Variants in SYNE1 observed in about 807,000 individuals in gnomAD.
SYNE1 encodes spectrin repeat containing nuclear envelope protein 1.
In SYNE1, 616 loss-of-function variants were observed where a neutral mutation model predicts 1,111.0. That is an observed-to-expected ratio of 0.55 (90% CI 0.52 to 0.59). SYNE1 has a LOEUF of 0.59. SYNE1 is among the 20% of genes least tolerant of loss of function. The probability of loss-of-function intolerance (pLI) is 0.00; values close to 1 mark genes in which losing one functional copy is unlikely to be tolerated. For synonymous variants in SYNE1, 3,855 were observed against 3,825.8 expected (o/e 1.01, Z -0.28); for missense variants, 10,006 against 10,417.0 (o/e 0.96, Z 1.72).
In SYNE1 at chr6:152,505,314, G is replaced by A. The variant is rs996515126; in HGVS notation, c.665C>T (p.Pro222Leu). The part of the protein sequence containing the change: ...AFHSVIHAIR[P>L]ELVDLETVKG... ...CACTGTCTCCAAGTCCACCAATTCC[G>A]GTCGAATGGCATGAATAACTGAATG... The change falls in exon 9 of 146, where the codon CCG becomes CTG. Residue 222 changes from proline to leucine, a missense_variant. Pro to Leu is a moderately conservative substitution (Grantham distance 98). Coordinates refer to ENST00000367255, the MANE Select transcript of SYNE1 (RefSeq NM_182961.4). 8.7e-6 allele frequency: 14 copies of A among 1,613,820 alleles called. No individual in the cohort carries two copies. Among genetic ancestry groups the A allele is most frequent in the South Asian group, 5.5e-5 (5 of 91,070 alleles).
At chr6:152,372,710 T>C (rs2097209991) in intron 59 of SYNE1, among the ~76,000 whole-genome samples, 1 of 152,242 alleles carries the variant, frequency 6.6e-6, no homozygotes, top group African/African-American at 2.4e-5. Context: ...ATCATTCTCC[T>C]AGACCACCTT....
At chr6:152,516,184 A>G (rs2099110796) in intron 6 of SYNE1, among the ~76,000 whole-genome samples, 1 of 152,170 alleles carries the variant, frequency 6.6e-6, no homozygotes, top group Non-Finnish European at 1.5e-5. Context: ...GCCATAGGAT[A>G]CAGAAGTGCA....
At chr6:152,436,294 GT>G (rs1435608077) in intron 32 of SYNE1, among the ~76,000 whole-genome samples, 193 bp from the exon 33 acceptor site, 1 of 152,012 alleles carries the variant, frequency 6.6e-6, no homozygotes, top group African/African-American at 2.4e-5. Flanking sequence ...TTTGCTAACA[GT>G]TTTTTATTTT....
At chr6:152,393,022 A>T (rs2097670825) in intron 51 of SYNE1, among the ~76,000 whole-genome samples, 2 of 152,204 alleles carry the variant, frequency 1.3e-5, no homozygotes, top group Non-Finnish European at 2.9e-5. Context: ...TGAGCAGAAC[A>T]GTGTGTTAGG....
chr6:152,531,185 G>A (rs1389834436), intron 4 of SYNE1, among the ~76,000 whole-genome samples: 3 of 151,946 alleles, frequency 2.0e-5, no homozygotes, highest in Non-Finnish European at 4.4e-5. Context: ...TACGTGAAAA[G>A]ATGAAAGTTC....
At chr6:152,548,178 G>A (rs576861315) in intron 3 of SYNE1, among the ~76,000 whole-genome samples, 157 of 152,250 alleles carry the variant, frequency 1.0e-3, no homozygotes, top group African/African-American at 3.5e-3. Context: ...AGATTTTGGG[G>A]GCACAGAATG....
chr6:152,568,855 A>G (rs1254876234), intron 3 of SYNE1, among the ~76,000 whole-genome samples: 1 of 152,218 alleles, frequency 6.6e-6, no homozygotes, highest in Non-Finnish European at 1.5e-5. Context: ...AATTCACAAA[A>G]TGGTCTTTAA....
chr6:152,162,952 C>T (rs1241777536), intron 131 of SYNE1, among the ~76,000 whole-genome samples: 9 of 151,914 alleles, frequency 5.9e-5, no homozygotes, highest in Non-Finnish European at 1.2e-4. Context: ...ATTTTGACAC[C>T]TATTTCATTG....
chr6:152,172,886 G>A (rs758446810), intron 130 of SYNE1, among the ~76,000 whole-genome samples: 1 of 152,240 alleles, frequency 6.6e-6, no homozygotes, highest in Middle Eastern at 3.4e-3. Flanking sequence ...TAGCCTCATG[G>A]GGTTATTGAC....
chr6:152,337,004 A>T lies in SYNE1; in HGVS notation c.12365T>A (p.Leu4122His). 1 of 1,613,868 alleles carries T rather than the reference A, an allele frequency of 6.2e-7. No individual in the cohort carries two copies. Among genetic ancestry groups the T allele is most frequent in the Non-Finnish European group, 8.5e-7 (1 of 1,180,010 alleles). Reference protein sequence around the residue: ...QQTEQTIEQKLVQAQNLTQGW... With the variant: ...QQTEQTIEQKHVQAQNLTQGW... ...CTGAGTTAAGTTCTGGGCCTGGACA[A>T]GCTTTTGTTCAATCTTGAGAAAACA... The change falls in exon 76 of 146, where the codon CTT becomes CAT. Residue 4122 changes from leucine (L) to histidine (H), a missense_variant. Coordinates refer to ENST00000367255, the MANE Select transcript of SYNE1 (RefSeq NM_182961.4).
intron 19 of SYNE1, 133 bp downstream of exon 19, chr6:152,463,220 A>G (rs574043616): frequency 1.6e-6 from 2 of 1,258,320 alleles, no homozygotes; most frequent in Non-Finnish European, 2.3e-6. Context: ...ACCATAAAAC[A>G]CACCGGTTTT....
intron 100 of SYNE1, among the ~76,000 whole-genome samples, chr6:152,266,570 T>G (rs2092717950): frequency 6.6e-6 from 1 of 152,234 alleles, no homozygotes; most frequent in South Asian, 2.1e-4. Flanking sequence ...CTTTATATTT[T>G]TAAGGCAATT....
intron 133 of SYNE1, among the ~76,000 whole-genome samples, chr6:152,153,713 T>G (rs1039513544): frequency 2.6e-5 from 4 of 152,222 alleles, no homozygotes; most frequent in Admixed American, 1.3e-4. Flanking sequence ...TACTAGTAGT[T>G]TTCTAAGGGA....
intron 145 of SYNE1, among the ~76,000 whole-genome samples, chr6:152,123,680 T>C (rs9383964): frequency 0.08 from 12,155 of 152,202 alleles, 752 homozygotes; most frequent in East Asian, 0.31. Flanking sequence ...CTCAGACCCA[T>C]ACAACATTGA....
intron 133 of SYNE1, among the ~76,000 whole-genome samples, chr6:152,152,981 A>C (rs983936912): frequency 3.3e-5 from 5 of 152,222 alleles, no homozygotes; most frequent in Admixed American, 1.3e-4. Flanking sequence ...TGGCCAAAAT[A>C]AAATGAAGCT....
intron 115 of SYNE1, among the ~76,000 whole-genome samples, chr6:152,229,726 T>G (rs1562342642): frequency 6.6e-6 from 1 of 152,072 alleles, no homozygotes. Context: ...TGCGACAGGT[T>G]ATGGTCTTAA....
At chr6:152,278,031 A>T in intron 98 of SYNE1, 58 bp downstream of exon 98, 1 of 1,590,710 alleles carries the variant, frequency 6.3e-7, no homozygotes, top group Non-Finnish European at 8.6e-7. Flanking sequence ...AAACCTTAGA[A>T]GGAGCACGTG....
intron 87 of SYNE1, among the ~76,000 whole-genome samples, chr6:152,313,058 G>A (rs1269336476): frequency 6.6e-6 from 1 of 152,184 alleles, no homozygotes. Context: ...TAGGTACAAT[G>A]TCTGCTTATA....
At chr6:152,421,446 A>G (rs181938309) in intron 39 of SYNE1, among the ~76,000 whole-genome samples, 1 of 152,270 alleles carries the variant, frequency 6.6e-6, no homozygotes, top group East Asian at 1.9e-4. Flanking sequence ...TTTATCTTGC[A>G]AATAAGTTGA....
Sources: allele counts gnomAD v4.1 joint callset (sites outside exome capture counted in the v4.1 genomes callset), GRCh38; gene constraint gnomAD v4.1.1; transcripts MANE v1.5; gene names NCBI Gene and HGNC (gene_info 2026-07-23, HGNC 2026-07-21).